COL4A2: variants seen among roughly 807,000 people sequenced by gnomAD.
The protein encoded by COL4A2 is collagen alpha-2(IV) chain.
COL4A2 carries 99 observed loss-of-function variants against 200.2 expected under a neutral mutation model. That is an observed-to-expected ratio of 0.49 (90% CI 0.42 to 0.58). The LOEUF (loss-of-function observed/expected upper bound fraction) is 0.58, where lower values mean the gene tolerates loss of function less well. Among genes scored for constraint, COL4A2 ranks in the 20% least tolerant of loss-of-function variants. The pLI, the probability that COL4A2 is intolerant of heterozygous loss-of-function variation, is 0.00. For missense variants in COL4A2, 1,950 were observed against 2,314.1 expected, an observed-to-expected ratio of 0.84 and a Z score of 3.23; for synonymous variants, 897 against 900.6, an observed-to-expected ratio of 1.00 and a Z score of 0.07.
At chr13:110,421,490 GTA>G (rs1880249691) in intron 4 of COL4A2, among the ~76,000 whole-genome samples, 1 of 152,168 alleles carries the variant, frequency 6.6e-6, no homozygotes, top group South Asian at 2.1e-4. Context: ...GTCACACATC[GTA>G]TGACTGATTC....
rs928407150 is a variant in COL4A2 at position 110,501,725 on chromosome 13, C to A, written c.3818C>A (p.Pro1273His). Reference protein sequence around the residue: ...GLQGFPGITPPSNISGAPGDK... With the variant: ...GLQGFPGITPHSNISGAPGDK... The stretch of plus-strand genomic sequence containing the variant: ...CAGGGGTTCCCTGGTATCACACCCC[C>A]TTCCAACATCTCTGGGGCACCTGGT... The change falls in exon 41 of 48, where the codon CCT becomes CAT. Residue 1273 changes from proline to histidine, a missense_variant. Coordinates refer to ENST00000360467, the MANE Select transcript of COL4A2 (RefSeq NM_001846.4). The A allele has an allele frequency of 6.2e-7, 1 of 1,613,686 alleles. No individual in the cohort carries two copies. The highest frequency in any genetic ancestry group is 8.5e-7 in the Non-Finnish European group (1 of 1,179,788).
At chr13:110,420,050 G>A (rs751342387) in intron 4 of COL4A2, among the ~76,000 whole-genome samples, 6 of 152,172 alleles carry the variant, frequency 3.9e-5, no homozygotes, top group Non-Finnish European at 7.4e-5. Flanking sequence ...GTATCCTGGG[G>A]ATCAGTTCAA....
intron 37 of COL4A2, among the ~76,000 whole-genome samples, 179 bp from the exon 38 acceptor site, chr13:110,491,891 G>T (rs1261980518): frequency 6.6e-6 from 1 of 152,186 alleles, no homozygotes; most frequent in African/African-American, 2.4e-5. Context: ...TTTGTATGTG[G>T]GGTCTAAGAC....
At chr13:110,413,240 C>T (rs1359648937) in intron 4 of COL4A2, among the ~76,000 whole-genome samples, 1 of 152,164 alleles carries the variant, frequency 6.6e-6, no homozygotes, top group Non-Finnish European at 1.5e-5. Context: ...GGGTAAATAG[C>T]AGTGCCATAA....
chr13:110,413,459 G>C (rs1594200416), intron 4 of COL4A2, among the ~76,000 whole-genome samples: 1 of 152,338 alleles, frequency 6.6e-6, no homozygotes, highest in East Asian at 1.9e-4. Context: ...GTTGTGAGGA[G>C]GGGAAGATGC....
chr13:110,403,587 A>C (rs1004419404), intron 4 of COL4A2, among the ~76,000 whole-genome samples: 10 of 152,118 alleles, frequency 6.6e-5, no homozygotes, highest in African/African-American at 2.4e-4. Context: ...GGGAATCTCT[A>C]AGATGGTTGA....
Position 110,504,148 on chromosome 13 carries a change from G to A in COL4A2, c.4286G>A (p.Gly1429Asp). 6.2e-7 allele frequency: 1 copy of A among 1,614,040 alleles called. No homozygotes were observed. The highest frequency in any genetic ancestry group is 8.5e-7 in the Non-Finnish European group (1 of 1,179,914). The change falls in exon 45 of 48, where the codon GGT (glycine) becomes GAT (aspartate). Residue 1429 changes from glycine (G) to aspartate (D), a missense_variant and splice_region_variant. Physicochemically the swap from Gly to Asp is moderately conservative, Grantham distance 94. Around this residue, in one of 2 missense-constraint regions of COL4A2, gnomAD observed 1,385 missense variants for 1,720.5 expected, o/e 0.80. Transcript: ENST00000360467. ...ATAACGCTTCTTTGGTGGCTTGCAG[G>A]TTTCCGTGGGGCTCCAGGGAAAGCT... ...MGPQGPPGEPGFRGAPGKAGP... is the reference protein window; with the variant it reads ...MGPQGPPGEPDFRGAPGKAGP...
At chr13:110,442,222 G>C (rs945677460) in intron 16 of COL4A2, among the ~76,000 whole-genome samples, 3 of 152,176 alleles carry the variant, frequency 2.0e-5, no homozygotes, top group African/African-American at 7.2e-5. Context: ...CCAGATGTGA[G>C]GATGGTGAGG....
At chr13:110,341,253 C>T (rs1227886575) in intron 3 of COL4A2, among the ~76,000 whole-genome samples, 3 of 152,310 alleles carry the variant, frequency 2.0e-5, no homozygotes, top group African/African-American at 4.8e-5. Context: ...AGACCAACAC[C>T]GCCCTGCACA....
In COL4A2 at chr13:110,482,555, T is replaced by C. The variant is rs758826364; in HGVS notation, c.2798T>C (p.Met933Thr). ...GSPGMDGFQG[M>T]PGLKGRPGFP... ...CCTGGGATGGATGGTTTCCAAGGCA[T>C]GCCTGGACTCAAAGGGAGACCCGGG... is the stretch of plus-strand genomic sequence containing the variant. Residue 933 changes from methionine (M) to threonine (T), a missense_variant, in exon 32 of 48, where the codon ATG becomes ACG. Around this residue, in one of 2 missense-constraint regions of COL4A2, gnomAD observed 1,385 missense variants for 1,720.5 expected, o/e 0.80. Transcript: ENST00000360467. 7.4e-6 allele frequency: 12 copies of C among 1,614,090 alleles called. No homozygotes were observed. The East Asian group carries it at 2.2e-4, about 30-fold the overall frequency.
At chr13:110,505,586 G>A (rs180992688) in intron 45 of COL4A2, among the ~76,000 whole-genome samples, 1 of 152,306 alleles carries the variant, frequency 6.6e-6, no homozygotes, top group Admixed American at 6.5e-5. Flanking sequence ...CCTTGGAAGG[G>A]GAGGGGACAA....
intron 4 of COL4A2, among the ~76,000 whole-genome samples, chr13:110,358,847 T>C (rs1301050737): frequency 6.6e-6 from 1 of 152,232 alleles, no homozygotes; most frequent in Non-Finnish European, 1.5e-5. Context: ...ATTGGGTCAA[T>C]GTATACCACT....
intron 29 of COL4A2, among the ~76,000 whole-genome samples, chr13:110,473,935 G>A (rs772378726): frequency 6.8e-6 from 1 of 147,898 alleles, no homozygotes; most frequent in Non-Finnish European, 1.5e-5. Context: ...AACCATCCTG[G>A]GCTACATAGG....
intron 4 of COL4A2, among the ~76,000 whole-genome samples, chr13:110,388,060 CT>C (rs1188380594): frequency 6.6e-6 from 1 of 152,188 alleles, no homozygotes; most frequent in Non-Finnish European, 1.5e-5. Context: ...GTTAAGAAGA[CT>C]TGACAGTGCC....
intron 46 of COL4A2, 193 bp from the exon 47 acceptor site, chr13:110,507,742 C>T (rs185493522): frequency 3.3e-6 from 2 of 609,272 alleles, no homozygotes; most frequent in African/African-American, 1.8e-5. Flanking sequence ...TTCCAAAATG[C>T]CAGTGGAGTC....
chr13:110,405,647 G>A (rs1879538619), intron 4 of COL4A2, among the ~76,000 whole-genome samples: 1 of 152,230 alleles, frequency 6.6e-6, no homozygotes, highest in South Asian at 2.1e-4. Flanking sequence ...TGTTTGAGTT[G>A]CCCTTTTTGT....
At position 110,504,249 on chromosome 13, in the gene COL4A2, C is replaced by A; in HGVS notation, c.4387C>A (p.Pro1463Thr). The change falls in exon 45 of 48, where the codon CCG becomes ACG. Residue 1463 changes from proline (P) to threonine (T), a missense_variant. Pro to Thr is a conservative substitution (Grantham distance 38). Around this residue, in one of 2 missense-constraint regions of COL4A2, gnomAD observed 1,385 missense variants for 1,720.5 expected, o/e 0.80. Coordinates refer to ENST00000360467, the MANE Select transcript of COL4A2 (RefSeq NM_001846.4). ...TGAAGGACCCATAGGCCACCAGGGG[C>A]CGATTGGCCAAGAAGGTGAGTGACA... ...GDEGPIGHQG[P>T]IGQEGAPGRP... 2 of 1,613,654 alleles carry A rather than the reference C, an allele frequency of 1.2e-6. No individual in the cohort carries two copies. Among genetic ancestry groups the A allele is most frequent in the African/African-American group, 2.7e-5 (2 of 75,050 alleles).
intron 24 of COL4A2, 140 bp downstream of exon 24, chr13:110,462,524 A>G (rs948623490): frequency 2.2e-5 from 16 of 724,584 alleles, no homozygotes; most frequent in Non-Finnish European, 2.4e-5. Context: ...TGCTCATTCT[A>G]TTTCTAATGA....
At chr13:110,438,228 C>T (rs563075314) in intron 14 of COL4A2, among the ~76,000 whole-genome samples, 191 bp downstream of exon 14, 1 of 152,252 alleles carries the variant, frequency 6.6e-6, no homozygotes, top group Non-Finnish European at 1.5e-5. Context: ...GAATTTCTTC[C>T]TCTTGGCATC....
Sources: gnomAD v4.1 joint callset for allele counts (sites outside exome capture counted in the v4.1 genomes callset) on GRCh38, gnomAD v4.1.1 for gene constraint, gnomAD v4.1.1 regional missense constraint, MANE v1.5 for transcripts, NCBI Gene and HGNC (gene_info 2026-07-23, HGNC 2026-07-21) for gene names.